TMEM242: variants seen among roughly 807,000 people sequenced by gnomAD.
TMEM242 encodes the protein transmembrane protein 242.
A neutral mutation model predicts 18.2 loss-of-function variants in TMEM242; 10 were observed. The observed-to-expected ratio is 0.55, with a 90% CI of 0.34 to 0.93. TMEM242 has a LOEUF of 0.93. Ranked by LOEUF, TMEM242 falls within the 40% of genes least tolerant of loss-of-function variation. The pLI, the probability that TMEM242 is intolerant of heterozygous loss-of-function variation, is 0.02. For missense variants in TMEM242, 186 were observed against 175.5 expected (o/e 1.06, Z -0.34); for synonymous variants, 57 against 69.9 (o/e 0.81, Z 0.92).
At chr6:157,314,522 A>G (rs1778349594) in intron 3 of TMEM242, among the ~76,000 whole-genome samples, 1 of 152,262 alleles carries the variant, frequency 6.6e-6, no homozygotes, top group African/African-American at 2.4e-5. Context: ...ATCGATGAAC[A>G]CAAACTGAAC....
At chr6:157,307,461 T>G (rs1299814389) in intron 3 of TMEM242, among the ~76,000 whole-genome samples, 1 of 152,204 alleles carries the variant, frequency 6.6e-6, no homozygotes, top group African/African-American at 2.4e-5. Flanking sequence ...TTTGGAAATA[T>G]GCCAAAACAG....
At position 157,301,738 on chromosome 6, in the gene TMEM242, C is replaced by T. The variant is rs192223545; in HGVS notation, c.328-8739G>A. Reference sequence around the variant, plus strand: ...CTTGAGGTCAGAAGTTCGAGACCAGCCTGGCCAACACAGTGAAACCCCATT... The same window carrying T: ...CTTGAGGTCAGAAGTTCGAGACCAGTCTGGCCAACACAGTGAAACCCCATT... On this transcript the variant is annotated intron_variant, in intron 3 of 3. Coordinates refer to ENST00000400788, the MANE Select transcript of TMEM242 (RefSeq NM_018452.6). Among the ~76,000 whole-genome samples the T allele has an allele frequency of 8.8e-4, 134 of 152,218 alleles. 1 individual carries two copies. The highest frequency in any genetic ancestry group is 3.1e-3 in the African/African-American group (130 of 41,552).
chr6:157,304,805 A>G (rs1777887970), intron 3 of TMEM242, among the ~76,000 whole-genome samples: 1 of 152,216 alleles, frequency 6.6e-6, no homozygotes, highest in South Asian at 2.1e-4. Flanking sequence ...GAGGAGGTAA[A>G]TTAAGTTTGA....
Position 157,319,830 on chromosome 6 carries a change from T to C in TMEM242, c.190-911A>G, listed in dbSNP as rs950726776. ...TTGTATCATTTCTTCCCTAGAAGTA[T>C]CCCAAGATGGGAAGAGTACCATGTT... On this transcript the variant is annotated intron_variant, in intron 2 of 3. Transcript: ENST00000400788. 3.3e-5 allele frequency among the ~76,000 whole-genome samples: 5 copies of C among 152,206 alleles called. No individual in the cohort carries two copies. In the South Asian group the frequency reaches 1.0e-3, roughly 31 times the overall value.
At position 157,292,724 on chromosome 6, in the gene TMEM242, C is replaced by T; in HGVS notation, c.*177G>A. On this transcript the variant is annotated 3_prime_UTR_variant, in exon 4 of 4. Coordinates refer to ENST00000400788, the MANE Select transcript of TMEM242 (RefSeq NM_018452.6). ...TAACTGTGGGAAAACTTTACCCTCCCCCAGCACGCACACACATACTCTCCT... is the reference window on the plus strand; with the variant it reads ...TAACTGTGGGAAAACTTTACCCTCCTCCAGCACGCACACACATACTCTCCT... 1 of 446,490 alleles carries T rather than the reference C, an allele frequency of 2.2e-6. No homozygotes were observed. The highest frequency in any genetic ancestry group is 4.0e-6 in the Non-Finnish European group (1 of 251,868). 27.7% of individuals were successfully genotyped at this position (446,490 alleles called of 1,614,324 possible). A position where few individuals can be genotyped will look rare whatever the true frequency, so the allele number is the denominator to read the frequency against.
In TMEM242 at chr6:157,292,156, C is replaced by CA. The variant is rs1416491444; in HGVS notation, c.*744dup. On this transcript the variant is annotated 3_prime_UTR_variant, in exon 4 of 4. Coordinates refer to ENST00000400788, the MANE Select transcript of TMEM242 (RefSeq NM_018452.6). Reference sequence around the variant, plus strand: ...GCTTTTTTTACTTTGACAACTGAGACAAAATGACAAATTGTCAGTGTTCAG... The same window carrying CA: ...GCTTTTTTTACTTTGACAACTGAGACAAAAATGACAAATTGTCAGTGTTCAG... The CA allele has an allele frequency of 6.6e-6, 1 of 152,098 alleles. No homozygotes were observed. The highest frequency in any genetic ancestry group is 1.5e-5 in the Non-Finnish European group (1 of 68,006). 9.4% of individuals were successfully genotyped at this position (152,098 alleles called of 1,614,324 possible). A position where few individuals can be genotyped will look rare whatever the true frequency, so the allele number is the denominator to read the frequency against.
chr6:157,304,933 A>G (rs955426350), intron 3 of TMEM242, among the ~76,000 whole-genome samples: 6 of 152,184 alleles, frequency 3.9e-5, no homozygotes, highest in Non-Finnish European at 8.8e-5. Context: ...TGAAGGAATA[A>G]GAATGCTGGC....
chr6:157,310,831 C>T (rs1554248467), intron 3 of TMEM242, among the ~76,000 whole-genome samples: 1 of 151,116 alleles, frequency 6.6e-6, no homozygotes, highest in Non-Finnish European at 1.5e-5. Context: ...CACCCGGCCT[C>T]ATCATAGTGT....
intron 3 of TMEM242, among the ~76,000 whole-genome samples, chr6:157,310,125 A>G (rs587711993): frequency 1.3e-3 from 192 of 152,356 alleles, no homozygotes; most frequent in Non-Finnish European, 2.1e-3. Flanking sequence ...AGCTATAAAT[A>G]ACCTAAACCT....
At chr6:157,310,045 T>C (rs782336930) in intron 3 of TMEM242, among the ~76,000 whole-genome samples, 2 of 152,190 alleles carry the variant, frequency 1.3e-5, no homozygotes, top group Non-Finnish European at 1.5e-5. Flanking sequence ...GTTCTAATCA[T>C]ACCAACTAGG....
intron 3 of TMEM242, among the ~76,000 whole-genome samples, chr6:157,296,316 A>C (rs1777748694): frequency 6.6e-6 from 1 of 152,132 alleles, no homozygotes; most frequent in Non-Finnish European, 1.5e-5. Context: ...AAATTTTCCT[A>C]TACTATGGAT....
At chr6:157,312,951 C>A (rs62425596) in intron 3 of TMEM242, among the ~76,000 whole-genome samples, 2 of 9,334 alleles carry the variant, frequency 2.1e-4, no homozygotes, top group East Asian at 2.2e-3. Context: ...TGCGCTCACC[C>A]GGCCTCATCA....
intron 3 of TMEM242, among the ~76,000 whole-genome samples, chr6:157,294,426 C>CT (rs1165204219): frequency 6.8e-6 from 1 of 146,614 alleles, no homozygotes; most frequent in African/African-American, 2.5e-5. Context: ...TCTCGGCTCA[C>CT]TGCAAGCTCC....
rs782423453 is a variant in TMEM242, at chr6:157,323,403, A to C, written c.88+9T>G. ...CCCGACGCCCGCACCTCACCACAGCACATCTTACCTTTAACCAGGAAAAGC... is the reference window on the plus strand; with the variant it reads ...CCCGACGCCCGCACCTCACCACAGCCCATCTTACCTTTAACCAGGAAAAGC... On this transcript the variant is annotated intron_variant, in intron 1 of 3. Transcript: ENST00000400788. 12 of 1,613,866 alleles carry C rather than the reference A, an allele frequency of 7.4e-6. No individual in the cohort carries two copies. Among genetic ancestry groups the C allele is most frequent in the Middle Eastern group, 1.7e-4 (1 of 6,056 alleles).
intron 3 of TMEM242, among the ~76,000 whole-genome samples, chr6:157,294,347 C>CTTTT (rs587765277): frequency 6.5e-4 from 75 of 115,218 alleles, no homozygotes; most frequent in Middle Eastern, 4.6e-3. Context: ...CAAGTCATTT[C>CTTTT]TTTTTTTTTT....
chr6:157,296,275 G>A (rs782670853), intron 3 of TMEM242, among the ~76,000 whole-genome samples: 3 of 152,166 alleles, frequency 2.0e-5, no homozygotes, highest in Non-Finnish European at 4.4e-5. Flanking sequence ...TTTCCAAACT[G>A]TAGTTCTCTC....
At chr6:157,303,085 T>G (rs2128413447) in intron 3 of TMEM242, among the ~76,000 whole-genome samples, 1 of 152,352 alleles carries the variant, frequency 6.6e-6, no homozygotes, top group Non-Finnish European at 1.5e-5. Flanking sequence ...CCTCTCTCCA[T>G]TAGAGGATTT....
rs782792677 is a variant in TMEM242 at position 157,322,814 on chromosome 6, A to G, written c.89-9T>C. On this transcript the variant is annotated splice_polypyrimidine_tract_variant and intron_variant, in intron 1 of 3. Transcript: ENST00000400788. ...ACCAAGGAAAATTCCACCTGCCAAG[A>G]GTTTCGGGGAGGAGGGGGGATATTA... 3.1e-6 allele frequency: 5 copies of G among 1,609,438 alleles called. No individual in the cohort carries two copies. The East Asian group carries it at 1.1e-4, about 36-fold the overall frequency.
At chr6:157,299,572 T>A in intron 3 of TMEM242, 1 of 1,560,592 alleles carries the variant, frequency 6.4e-7, no homozygotes, top group Non-Finnish European at 8.8e-7. Flanking sequence ...ACTTCCAGGC[T>A]ACATAAGTTA....
Sources: allele counts gnomAD v4.1 joint callset (sites outside exome capture counted in the v4.1 genomes callset), GRCh38; gene constraint gnomAD v4.1.1; transcripts MANE v1.5; gene names NCBI Gene and HGNC (gene_info 2026-07-23, HGNC 2026-07-21).